The following KIF13A variants were observed in gnomAD, a reference collection of about 807,000 sequenced individuals.
KIF13A encodes the protein kinesin family member 13A.
In KIF13A, 79 loss-of-function variants were observed where a neutral mutation model predicts 212.2. The ratio of observed to expected loss-of-function variants is 0.37; its 90% CI spans 0.31 to 0.45. KIF13A has a LOEUF of 0.45. Among genes scored for constraint, KIF13A ranks in the 20% least tolerant of loss-of-function variants. The pLI is 1.00. For synonymous variants in KIF13A, 789 were observed against 808.6 expected (o/e 0.98, Z 0.41); for missense variants, 1,901 against 2,209.0 (o/e 0.86, Z 2.79).
Position 17,971,309 on chromosome 6 carries a change from C to T in KIF13A, c.146+15745G>A, listed in dbSNP as rs572307957. On this transcript the variant is annotated intron_variant, in intron 2 of 38. Coordinates refer to ENST00000259711, the MANE Select transcript of KIF13A (RefSeq NM_022113.6). The surrounding 1 kb of genome is among the most constrained non-coding windows in gnomAD (Gnocchi z 4.2). ...AAAGAGATAATTAATGTGATCACTT[C>T]ACAAAATTAAATGTATCCAAGTTTT... 6.6e-6 allele frequency among the ~76,000 whole-genome samples: 1 copy of T among 152,282 alleles called. No individual in the cohort carries two copies. Among genetic ancestry groups the T allele is most frequent in the South Asian group, 2.1e-4 (1 of 4,814 alleles).
chr6:17,824,489 G>T (rs1764762954), intron 16 of KIF13A, among the ~76,000 whole-genome samples: 1 of 152,078 alleles, frequency 6.6e-6, no homozygotes, highest in South Asian at 2.1e-4. Flanking sequence ...GCTGGGCGTG[G>T]TGGCTCATGC....
In KIF13A at chr6:17,834,278, T is replaced by G. The variant is rs901944189; in HGVS notation, c.1156-207A>C. Among the ~76,000 whole-genome samples, 2 of 152,238 alleles carry G rather than the reference T, an allele frequency of 1.3e-5. No homozygotes were observed. ...CCCTGAAAAAGAAATACCAGTGTCCTGAATGAAAATGAAACAAATCATTAG... is the reference window on the plus strand; with the variant it reads ...CCCTGAAAAAGAAATACCAGTGTCCGGAATGAAAATGAAACAAATCATTAG... On this transcript the variant is annotated intron_variant, in intron 11 of 38. Coordinates refer to ENST00000259711, the MANE Select transcript of KIF13A (RefSeq NM_022113.6). The surrounding 1 kb of genome is among the most constrained non-coding windows in gnomAD (Gnocchi z 4.0).
chr6:17,922,785 CTTTT>C (rs1316047647), intron 2 of KIF13A, among the ~76,000 whole-genome samples: 1 of 151,428 alleles, frequency 6.6e-6, no homozygotes, highest in South Asian at 2.1e-4. Context: ...CATATTTCTT[CTTTT>C]TTTAATTAAA....
intron 3 of KIF13A, among the ~76,000 whole-genome samples, chr6:17,874,927 C>T (rs1040768666): frequency 8.9e-6 from 1 of 112,278 alleles, no homozygotes; most frequent in Non-Finnish European, 2.1e-5. Context: ...TCATGCAGGT[C>T]GCTGCAAATG....
chr6:17,845,810 T>C (rs751938655), intron 9 of KIF13A, among the ~76,000 whole-genome samples: 6 of 152,280 alleles, frequency 3.9e-5, no homozygotes, highest in South Asian at 2.1e-4. Context: ...GGCCACGCAG[T>C]GTCTTAATTC....
At chr6:17,795,337 C>T (rs1039430773) in intron 23 of KIF13A, among the ~76,000 whole-genome samples, 1 of 151,540 alleles carries the variant, frequency 6.6e-6, no homozygotes, top group Non-Finnish European at 1.5e-5. Context: ...AATTCCAGCA[C>T]TTTGGAAGGC....
chr6:17,952,328 T>C (rs966785629), intron 2 of KIF13A, among the ~76,000 whole-genome samples: 1 of 147,806 alleles, frequency 6.8e-6, no homozygotes, highest in Non-Finnish European at 1.5e-5. Flanking sequence ...AAAGAAAATA[T>C]AATTTATATT....
chr6:17,794,915 C>T lies in KIF13A; in HGVS notation c.2943-211G>A, dbSNP rs985500211. On this transcript the variant is annotated intron_variant, in intron 23 of 38. Coordinates refer to ENST00000259711, the MANE Select transcript of KIF13A (RefSeq NM_022113.6). This position sits in a 1 kb window ranked among gnomAD's most constrained non-coding sequence, Gnocchi z 4.1. ...CTGAGGTAGACTGAAATGTCCACATCTTGAGTATAGAGCTCGATGAGTTTT... is the reference window on the plus strand; with the variant it reads ...CTGAGGTAGACTGAAATGTCCACATTTTGAGTATAGAGCTCGATGAGTTTT... 4 of 529,746 alleles carry T rather than the reference C, an allele frequency of 7.6e-6. No homozygotes were observed. The highest frequency in any genetic ancestry group is 1.3e-5 in the Non-Finnish European group (4 of 305,586). The allele number at this position is 529,746 out of a possible 1,614,324, so 32.8% of individuals were successfully genotyped here.
Position 17,912,059 on chromosome 6 carries a change from T to C in KIF13A, c.147-13879A>G, listed in dbSNP as rs1412972164. On this transcript the variant is annotated intron_variant, in intron 2 of 38. Transcript: ENST00000259711. This position sits in a 1 kb window ranked among gnomAD's most constrained non-coding sequence, Gnocchi z 4.2. ...GATTACAGGCATGAGGCACCGGCCA[T>C]CAATAATAATTTAACTGTACATTTA... Among the ~76,000 whole-genome samples, 1 of 152,102 alleles carries C rather than the reference T, an allele frequency of 6.6e-6. No homozygotes were observed. Among genetic ancestry groups the C allele is most frequent in the Admixed American group, 6.5e-5 (1 of 15,268 alleles).
chr6:17,907,159 T>C (rs567942901), intron 2 of KIF13A, among the ~76,000 whole-genome samples: 1 of 152,318 alleles, frequency 6.6e-6, no homozygotes, highest in South Asian at 2.1e-4. Context: ...ACATATTTAA[T>C]GACCCTATAC....
Position 17,888,516 on chromosome 6 carries a change from T to C in KIF13A, c.159+9652A>G, listed in dbSNP as rs1771752121. On this transcript the variant is annotated intron_variant, in intron 3 of 38. Transcript: ENST00000259711. This position sits in a 1 kb window ranked among gnomAD's most constrained non-coding sequence, Gnocchi z 4.8. Reference sequence around the variant, plus strand: ...GCCATATAAATAATTTAAAATGTTTTTGTAGACACACTGAAAAGTAAAAGA... The same window carrying C: ...GCCATATAAATAATTTAAAATGTTTCTGTAGACACACTGAAAAGTAAAAGA... Among the ~76,000 whole-genome samples, 1 of 152,196 alleles carries C rather than the reference T, an allele frequency of 6.6e-6. No homozygotes were observed. The highest frequency in any genetic ancestry group is 1.5e-5 in the Non-Finnish European group (1 of 68,036).
At chr6:17,823,036 A>G (rs928196915) in intron 16 of KIF13A, among the ~76,000 whole-genome samples, 2 of 109,536 alleles carry the variant, frequency 1.8e-5, no homozygotes, top group Non-Finnish European at 4.0e-5. Flanking sequence ...ATGGTTCTAT[A>G]CTTTTTTTTT....
intron 3 of KIF13A, among the ~76,000 whole-genome samples, chr6:17,874,528 CG>C (rs1402162614): frequency 6.6e-6 from 1 of 151,974 alleles, no homozygotes; most frequent in Admixed American, 6.6e-5. Flanking sequence ...CTCTGCCTCC[CG>C]GGCTCAAGTA....
At chr6:17,831,376 G>C (rs945060820) in intron 12 of KIF13A, 141 bp from the exon 13 acceptor site, 2 of 936,706 alleles carry the variant, frequency 2.1e-6, no homozygotes, top group Admixed American at 5.5e-5. Context: ...CACATTAACA[G>C]AGAGTCTACA....
In KIF13A at chr6:17,963,568, C is replaced by T. The variant is rs1404183335; in HGVS notation, c.146+23486G>A. Among the ~76,000 whole-genome samples the T allele has an allele frequency of 6.6e-6, 1 of 152,186 alleles. No homozygotes were observed. The highest frequency in any genetic ancestry group is 1.5e-5 in the Non-Finnish European group (1 of 68,030). On this transcript the variant is annotated intron_variant, in intron 2 of 38. Transcript: ENST00000259711. This position sits in a 1 kb window ranked among gnomAD's most constrained non-coding sequence, Gnocchi z 4.1. ...TAGGATAGATTTGTTCTATATCTTT[C>T]TTTTTTTGAGACAGAGTCTTGCTGT...
rs59848961 is a variant in KIF13A, at chr6:17,826,963, G to A, written c.1533-839C>T. 0.042 allele frequency among the ~76,000 whole-genome samples: 6,423 copies of A among 151,540 alleles called. 344 individuals carry two copies. Among genetic ancestry groups the A allele is most frequent in the African/African-American group, 0.12 (5,036 of 41,286 alleles). ...CTGTAATCCCAGCTACTTGGGAGGC[G>A]AGGCAGGAGGTTTGCTTGAACCTGG... On this transcript the variant is annotated intron_variant, in intron 14 of 38. Transcript: ENST00000259711. The surrounding 1 kb of genome is among the most constrained non-coding windows in gnomAD (Gnocchi z 4.7).
chr6:17,986,516 GCAA>G (rs143933247), intron 2 of KIF13A, among the ~76,000 whole-genome samples: 11,091 of 152,188 alleles, frequency 0.073, 461 homozygotes, highest in Middle Eastern at 0.13. Context: ...TCTCAACTCA[GCAA>G]CAACAACTAA....
At chr6:17,879,128 CA>C (rs1031616604) in intron 3 of KIF13A, among the ~76,000 whole-genome samples, 1 of 152,090 alleles carries the variant, frequency 6.6e-6, no homozygotes, top group African/African-American at 2.4e-5. Flanking sequence ...AGTGATCTCC[CA>C]ATCCCCTTTC....
intron 25 of KIF13A, among the ~76,000 whole-genome samples, chr6:17,793,843 G>A (rs955734760): frequency 3.3e-5 from 5 of 151,934 alleles, no homozygotes; most frequent in African/African-American, 1.2e-4. Context: ...GAGCCCAGGA[G>A]GTCAAGGCTG....
Sources: allele counts gnomAD v4.1 joint callset (sites outside exome capture counted in the v4.1 genomes callset), GRCh38; gene constraint gnomAD v4.1.1; non-coding constraint Gnocchi (gnomAD v3.1); transcripts MANE v1.5; gene names NCBI Gene and HGNC (gene_info 2026-07-23, HGNC 2026-07-21).